BTBD9: variants seen among roughly 807,000 people sequenced by gnomAD.
The protein encoded by BTBD9 is BTB domain containing 9.
A neutral mutation model predicts 64.3 loss-of-function variants in BTBD9; 49 were observed. That is an observed-to-expected ratio of 0.76 (90% confidence interval 0.61 to 0.97). The LOEUF (loss-of-function observed/expected upper bound fraction) is 0.97. BTBD9 is among the 50% of genes least tolerant of loss of function. The probability of loss-of-function intolerance (pLI) is 0.00; values close to 1 mark genes in which losing one functional copy is unlikely to be tolerated. For synonymous variants in BTBD9, 260 were observed against 274.7 expected, an observed-to-expected ratio of 0.95 and a Z score of 0.53; for missense variants, 598 against 762.1, an observed-to-expected ratio of 0.78 and a Z score of 2.53.
At chr6:38,225,470 A>G (rs1420974517) in intron 9 of BTBD9, among the ~76,000 whole-genome samples, 1 of 152,228 alleles carries the variant, frequency 6.6e-6, no homozygotes, top group African/African-American at 2.4e-5. Flanking sequence ...CCCTAAACTT[A>G]CTAATGTCCT....
intron 6 of BTBD9, among the ~76,000 whole-genome samples, chr6:38,495,171 C>A (rs979738933): frequency 6.6e-6 from 1 of 152,142 alleles, no homozygotes; most frequent in Non-Finnish European, 1.5e-5. Context: ...TTGTTTCCAC[C>A]GCTACAGATC....
At chr6:38,420,646 A>T (rs1237416311) in intron 6 of BTBD9, among the ~76,000 whole-genome samples, 1 of 152,078 alleles carries the variant, frequency 6.6e-6, no homozygotes, top group African/African-American at 2.4e-5. Flanking sequence ...TCACAAGGTC[A>T]AGAAATAAAG....
intron 9 of BTBD9, among the ~76,000 whole-genome samples, chr6:38,252,275 C>T (rs750909836): frequency 6.6e-6 from 1 of 152,178 alleles, no homozygotes; most frequent in Non-Finnish European, 1.5e-5. Context: ...CATTTATAAC[C>T]GCACGCACTC....
chr6:38,235,187 C>A (rs1381077909), intron 9 of BTBD9, among the ~76,000 whole-genome samples: 1 of 152,142 alleles, frequency 6.6e-6, no homozygotes, highest in African/African-American at 2.4e-5. Context: ...CAGATTTTTG[C>A]CTGCCACAGT....
chr6:38,414,294 C>T (rs1334941988), intron 6 of BTBD9, among the ~76,000 whole-genome samples: 2 of 152,146 alleles, frequency 1.3e-5, no homozygotes, highest in Non-Finnish European at 2.9e-5. Flanking sequence ...TCCATAACTA[C>T]TGGGGTCATC....
At chr6:38,557,111 G>T (rs1005638324) in intron 6 of BTBD9, among the ~76,000 whole-genome samples, 1 of 146,914 alleles carries the variant, frequency 6.8e-6, no homozygotes, top group Non-Finnish European at 1.5e-5. Flanking sequence ...ACTTTGGGAG[G>T]CCACGGTGGG....
intron 6 of BTBD9, among the ~76,000 whole-genome samples, chr6:38,476,705 T>G (rs904662310): frequency 1.6e-4 from 24 of 152,224 alleles, no homozygotes; most frequent in Non-Finnish European, 3.1e-4. Flanking sequence ...GACAATTTCC[T>G]CTTTGCATTA....
At position 38,613,612 on chromosome 6, in the gene BTBD9, T is replaced by G. The variant is rs192816567; in HGVS notation, c.-27-15491A>C. Among the ~76,000 whole-genome samples the G allele has an allele frequency of 4.0e-5, 6 of 151,658 alleles. No homozygotes were observed. The South Asian group carries it at 6.3e-4, about 16-fold the overall frequency. On this transcript the variant is annotated intron_variant, in intron 1 of 10. Coordinates refer to ENST00000481247, the MANE Select transcript of BTBD9 (RefSeq NM_001099272.2). ...GGTTGAGTCTCTTTAAAAGACAGAG[T>G]GAGACTTTATCTTTTTTAAAAAAAA...
At chr6:38,360,329 C>A (rs1020425725) in intron 6 of BTBD9, among the ~76,000 whole-genome samples, 1 of 151,952 alleles carries the variant, frequency 6.6e-6, no homozygotes, top group African/African-American at 2.4e-5. Flanking sequence ...AGTAGGTACT[C>A]AAAAATGTTA....
chr6:38,385,465 T>C (rs562742779), intron 6 of BTBD9, among the ~76,000 whole-genome samples: 20 of 152,012 alleles, frequency 1.3e-4, no homozygotes, highest in Non-Finnish European at 2.6e-4. Context: ...GCTAGGATTA[T>C]AGGCGTGAGC....
At chr6:38,552,624 G>A (rs544604848) in intron 6 of BTBD9, among the ~76,000 whole-genome samples, 14 of 152,072 alleles carry the variant, frequency 9.2e-5, no homozygotes, top group African/African-American at 3.1e-4. Flanking sequence ...AAAATTAGCC[G>A]GGTGTGGTGG....
In BTBD9 at chr6:38,425,112, G is replaced by A. The variant is rs567340931; in HGVS notation, c.1155-80019C>T. 5.9e-4 allele frequency among the ~76,000 whole-genome samples: 69 copies of A among 117,468 alleles called. No homozygotes were observed. In the East Asian group the frequency reaches 0.016, roughly 27 times the overall value. The allele number at this position is 117,468 out of a possible 152,430, so 77.1% of individuals were successfully genotyped here. On this transcript the variant is annotated intron_variant, in intron 6 of 10. Coordinates refer to ENST00000481247, the MANE Select transcript of BTBD9 (RefSeq NM_001099272.2). ...ATTACAGGTGTGAGCCACCGTGCCCGGCCTTTTTTTTTTTTTTTGAGTGAG... is the reference window on the plus strand; with the variant it reads ...ATTACAGGTGTGAGCCACCGTGCCCAGCCTTTTTTTTTTTTTTTGAGTGAG...
At chr6:38,193,808 CA>C (rs1762182669) in intron 9 of BTBD9, 3 of 985,228 alleles carry the variant, frequency 3.0e-6, no homozygotes, top group Non-Finnish European at 3.6e-6. Context: ...TATGTATTTG[CA>C]GTTTGTTTTT....
intron 6 of BTBD9, among the ~76,000 whole-genome samples, chr6:38,497,588 G>A (rs1772012085): frequency 6.6e-6 from 1 of 152,140 alleles, no homozygotes; most frequent in Non-Finnish European, 1.5e-5. Flanking sequence ...AACGAGAAAG[G>A]CAGTGAAGGG....
At chr6:38,435,698 T>G (rs758622750) in intron 6 of BTBD9, among the ~76,000 whole-genome samples, 23 of 144,162 alleles carry the variant, frequency 1.6e-4, no homozygotes, top group Non-Finnish European at 2.6e-4. Flanking sequence ...AGACTGAGTC[T>G]CACTCTATCG....
chr6:38,549,833 G>C (rs754456927), intron 6 of BTBD9, among the ~76,000 whole-genome samples: 6 of 151,974 alleles, frequency 3.9e-5, no homozygotes, highest in Admixed American at 1.3e-4. Context: ...GCTTCTCAAG[G>C]GCATTCAGGA....
chr6:38,560,399 AT>A (rs1333081315), intron 6 of BTBD9, among the ~76,000 whole-genome samples: 11 of 152,204 alleles, frequency 7.2e-5, no homozygotes, highest in African/African-American at 2.7e-4. Context: ...TATTACTATT[AT>A]TTTTGACTTG....
intron 10 of BTBD9, among the ~76,000 whole-genome samples, chr6:38,186,471 GTA>G (rs1216913632): frequency 6.6e-6 from 1 of 152,150 alleles, no homozygotes; most frequent in African/African-American, 2.4e-5. Context: ...TAGAAACTCT[GTA>G]TTGGAATGCC....
At chr6:38,226,205 G>A (rs1178236064) in intron 9 of BTBD9, among the ~76,000 whole-genome samples, 1 of 152,174 alleles carries the variant, frequency 6.6e-6, no homozygotes, top group Non-Finnish European at 1.5e-5. Flanking sequence ...TCAAAGGGGG[G>A]TGGGAGTGTG....
Sources: allele counts gnomAD v4.1 joint callset (sites outside exome capture counted in the v4.1 genomes callset), GRCh38; gene constraint gnomAD v4.1.1; transcripts MANE v1.5; gene names NCBI Gene and HGNC (gene_info 2026-07-23, HGNC 2026-07-21).